Variants in PIK3C3 observed in about 807,000 individuals in gnomAD.
PIK3C3 encodes phosphatidylinositol 3-kinase catalytic subunit type 3, also known as PI3-kinase type 3.
PIK3C3 carries 95 observed loss-of-function variants against 126.1 expected under a neutral mutation model. That is an observed-to-expected ratio of 0.75 (90% CI 0.64 to 0.89). The LOEUF is 0.89. Among genes scored for constraint, PIK3C3 ranks in the 40% least tolerant of loss-of-function variants. PIK3C3 has a pLI of 0.00. For synonymous variants in PIK3C3, 374 were observed against 360.0 expected (o/e 1.04, Z -0.44); for missense variants, 829 against 1,063.2 (o/e 0.78, Z 3.06).
chr18:41,989,124 G>C (rs761847185), intron 5 of PIK3C3, among the ~76,000 whole-genome samples: 4 of 151,856 alleles, frequency 2.6e-5, no homozygotes, highest in Admixed American at 2.0e-4. Flanking sequence ...AGGTCTTGCT[G>C]TGTCACCCAG....
rs55821466 is a variant in PIK3C3, at chr18:42,040,156, C to CTTTTT, written c.2039-506_2039-502dup. Among the ~76,000 whole-genome samples the CTTTTT allele has an allele frequency of 2.7e-4, 30 of 110,510 alleles. 1 individual carries two copies. The highest frequency in any genetic ancestry group is 7.4e-4 in the East Asian group (3 of 4,040). The allele number at this position is 110,510 out of a possible 152,430, so 72.5% of individuals were successfully genotyped here. On this transcript the variant is annotated intron_variant, in intron 18 of 24. Coordinates refer to ENST00000262039, the MANE Select transcript of PIK3C3 (RefSeq NM_002647.4). Reference sequence around the variant, plus strand: ...TTCCACATACTGTCTGTCCCCTTTCCTTTTTTTTTTTTTTTTTTTGGTAGT... The same window carrying CTTTTT: ...TTCCACATACTGTCTGTCCCCTTTCCTTTTTTTTTTTTTTTTTTTTTTTTGGTAGT...
At chr18:41,969,009 G>A (rs1297214905) in intron 3 of PIK3C3, among the ~76,000 whole-genome samples, 1 of 151,590 alleles carries the variant, frequency 6.6e-6, no homozygotes, top group Non-Finnish European at 1.5e-5. Context: ...TTTAGAGATG[G>A]GGTTTCGCCA....
intron 12 of PIK3C3, among the ~76,000 whole-genome samples, chr18:42,015,894 T>C (rs1428212861): frequency 1.3e-5 from 2 of 152,170 alleles, no homozygotes; most frequent in Non-Finnish European, 2.9e-5. Context: ...TTGTCAGTGC[T>C]TGTGATTACA....
chr18:41,955,376 G>A lies in PIK3C3; in HGVS notation c.68+17G>A. On this transcript the variant is annotated intron_variant, in intron 1 of 24. Transcript: ENST00000262039. ...GCTTAAGATGTAAGAGAACACTCGG[G>A]ACAGGGAGTGGGATTGCTGGGGCGT... The A allele has an allele frequency of 6.2e-7, 1 of 1,607,072 alleles. No individual in the cohort carries two copies. Among genetic ancestry groups the A allele is most frequent in the Non-Finnish European group, 8.5e-7 (1 of 1,174,524 alleles).
chr18:42,077,114 T>C (rs1284962617), intron 24 of PIK3C3, among the ~76,000 whole-genome samples: 1 of 152,252 alleles, frequency 6.6e-6, no homozygotes, highest in Non-Finnish European at 1.5e-5. Flanking sequence ...CATGATACTA[T>C]GCAGTAGCAT....
At chr18:42,047,218 G>A (rs1159430433) in intron 20 of PIK3C3, among the ~76,000 whole-genome samples, 1 of 152,070 alleles carries the variant, frequency 6.6e-6, no homozygotes, top group African/African-American at 2.4e-5. Context: ...AAGTAGGTCT[G>A]GATTGAACAA....
chr18:42,043,618 C>A (rs1228462192), intron 19 of PIK3C3, 115 bp from the exon 20 acceptor site: 5 of 631,794 alleles, frequency 7.9e-6, no homozygotes, highest in Non-Finnish European at 1.4e-5. Context: ...ATCTCTCATA[C>A]TGTATTTTGA....
At chr18:41,977,259 A>G (rs948113621) in intron 4 of PIK3C3, among the ~76,000 whole-genome samples, 2 of 152,174 alleles carry the variant, frequency 1.3e-5, no homozygotes, top group Admixed American at 1.3e-4. Context: ...AAAACAGTAG[A>G]TCTTAAGATT....
At chr18:41,961,698 A>G (rs1221300084) in intron 2 of PIK3C3, among the ~76,000 whole-genome samples, 1 of 152,212 alleles carries the variant, frequency 6.6e-6, no homozygotes, top group African/African-American at 2.4e-5. Context: ...TATTGTTGGC[A>G]CAGTATTCTT....
chr18:42,072,497 C>A (rs760622327), intron 24 of PIK3C3, among the ~76,000 whole-genome samples: 1 of 152,110 alleles, frequency 6.6e-6, no homozygotes, highest in Non-Finnish European at 1.5e-5. Flanking sequence ...TTATTTTGGT[C>A]ATTGTCTTTG....
intron 19 of PIK3C3, among the ~76,000 whole-genome samples, chr18:42,043,223 C>T (rs995773235): frequency 2.0e-4 from 31 of 151,792 alleles, no homozygotes; most frequent in Non-Finnish European, 4.4e-5. Flanking sequence ...CTCAGCCTCC[C>T]GAGCAGCTGG....
chr18:42,078,375 C>T lies in PIK3C3; in HGVS notation c.2650-2748C>T. 2.0e-5 allele frequency among the ~76,000 whole-genome samples: 2 copies of T among 99,598 alleles called. 1 individual carries two copies. Among genetic ancestry groups the T allele is most frequent in the Non-Finnish European group, 3.6e-5 (2 of 55,424 alleles). The allele number at this position is 99,598 out of a possible 152,430, so 65.3% of individuals were successfully genotyped here. A position where few individuals can be genotyped will look rare whatever the true frequency, so the allele number is the denominator to read the frequency against. Reference sequence around the variant, plus strand: ...GTCCGGCCTGGGCAACAGAGCGAGACTCTGTCTCAAAAAAAAAAAAAAAAA... The same window carrying T: ...GTCCGGCCTGGGCAACAGAGCGAGATTCTGTCTCAAAAAAAAAAAAAAAAA... On this transcript the variant is annotated intron_variant, in intron 24 of 24. Coordinates refer to ENST00000262039, the MANE Select transcript of PIK3C3 (RefSeq NM_002647.4).
chr18:41,991,101 C>G (rs772213958), intron 6 of PIK3C3, among the ~76,000 whole-genome samples: 6 of 151,920 alleles, frequency 3.9e-5, no homozygotes, highest in Non-Finnish European at 8.8e-5. Flanking sequence ...TTTGTTCTGC[C>G]CATTATGCTA....
chr18:42,030,199 G>T (rs895046749), intron 15 of PIK3C3, among the ~76,000 whole-genome samples: 1 of 152,158 alleles, frequency 6.6e-6, no homozygotes, highest in Non-Finnish European at 1.5e-5. Context: ...CAAAAGTCCA[G>T]ATTGACTTGC....
intron 10 of PIK3C3, among the ~76,000 whole-genome samples, chr18:42,011,273 G>A (rs1982812772): frequency 6.6e-6 from 1 of 152,192 alleles, no homozygotes. Flanking sequence ...CTTAGATGGT[G>A]TCTTATTCTA....
chr18:41,963,090 T>TA (rs530673835), intron 3 of PIK3C3, among the ~76,000 whole-genome samples: 55 of 150,268 alleles, frequency 3.7e-4, no homozygotes, highest in East Asian at 5.8e-4. Flanking sequence ...TGTTAATTGT[T>TA]AAAAAAAAAA....
chr18:42,044,318 T>C (rs1032177846), intron 20 of PIK3C3, among the ~76,000 whole-genome samples: 1 of 152,224 alleles, frequency 6.6e-6, no homozygotes, highest in African/African-American at 2.4e-5. Context: ...TAGGGATTAA[T>C]TTTTATTCTT....
rs778558521 is a variant in PIK3C3, at chr18:42,040,708, G to A, written c.2070G>A (p.Val690=). Residue 690 remains valine, a synonymous_variant, in exon 19 of 25, where the codon GTG becomes GTA. Coordinates refer to ENST00000262039, the MANE Select transcript of PIK3C3 (RefSeq NM_002647.4). ...GFMQFIQSVP[V]AEVLDTEGSI... is the part of the protein sequence containing the mutation. ...TGCAGTTTATCCAGTCAGTTCCTGT[G>A]GCTGAAGTTCTTGATACAGAGGGAA... is the stretch of plus-strand genomic sequence containing the variant. The A allele has an allele frequency of 6.8e-6, 11 of 1,611,318 alleles. No homozygotes were observed. The highest frequency in any genetic ancestry group is 9.3e-6 in the Non-Finnish European group (11 of 1,177,968).
intron 21 of PIK3C3, among the ~76,000 whole-genome samples, chr18:42,054,455 G>A (rs979896016): frequency 6.6e-6 from 1 of 151,676 alleles, no homozygotes; most frequent in African/African-American, 2.4e-5. Flanking sequence ...TTAAAGGTCT[G>A]CCTTTCCCAA....
Sources: allele counts gnomAD v4.1 joint callset (sites outside exome capture counted in the v4.1 genomes callset), GRCh38; gene constraint gnomAD v4.1.1; transcripts MANE v1.5; gene names NCBI Gene and HGNC (gene_info 2026-07-23, HGNC 2026-07-21).